The following NAV2 variants were observed in gnomAD, a reference collection of about 807,000 sequenced individuals.
The protein encoded by NAV2 is neuron navigator 2, also known as helicase, APC down-regulated 1.
NAV2 carries 54 observed loss-of-function variants against 223.2 expected under a neutral mutation model. The observed-to-expected ratio is 0.24, with a 90% CI of 0.19 to 0.30. NAV2 has a LOEUF of 0.30. NAV2 is among the 10% of genes least tolerant of loss of function. The probability of loss-of-function intolerance (pLI) is 1.00; values close to 1 mark genes in which losing one functional copy is unlikely to be tolerated. For missense variants in NAV2, 2,806 were observed against 3,147.5 expected, an observed-to-expected ratio of 0.89 and a Z score of 2.60; for synonymous variants, 1,279 against 1,239.3, an observed-to-expected ratio of 1.03 and a Z score of -0.67.
At chr11:19,991,973 G>C (rs1186645337) in intron 11 of NAV2, among the ~76,000 whole-genome samples, 1 of 151,462 alleles carries the variant, frequency 6.6e-6, no homozygotes, top group Non-Finnish European at 1.5e-5. Flanking sequence ...TATACTATTA[G>C]TGCCCCTGAG....
At chr11:19,968,713 G>C (rs1168931172) in intron 10 of NAV2, among the ~76,000 whole-genome samples, 3 of 152,172 alleles carry the variant, frequency 2.0e-5, no homozygotes, top group Non-Finnish European at 4.4e-5. Context: ...CCCATTATTT[G>C]GTCTGTGTAG....
intron 11 of NAV2, among the ~76,000 whole-genome samples, chr11:19,987,297 C>A (rs1486589794): frequency 1.3e-5 from 2 of 152,182 alleles, no homozygotes; most frequent in African/African-American, 4.8e-5. Flanking sequence ...TTCCTTTAAA[C>A]CTGAAAATCG....
intron 1 of NAV2, among the ~76,000 whole-genome samples, chr11:19,613,632 G>T (rs1019788092): frequency 1.3e-5 from 2 of 152,188 alleles, no homozygotes; most frequent in African/African-American, 2.4e-5. Context: ...ACTTGCAGGG[G>T]TTGCTACAAC....
chr11:20,048,639 C>T, intron 14 of NAV2, 89 bp from the exon 15 acceptor site: 5 of 1,108,608 alleles, frequency 4.5e-6, no homozygotes, highest in South Asian at 1.5e-5. Context: ...CAGGAATTCT[C>T]ACCAACTCCT....
intron 1 of NAV2, among the ~76,000 whole-genome samples, chr11:19,359,546 GA>G (rs1395556979): frequency 6.6e-6 from 1 of 152,224 alleles, no homozygotes; most frequent in African/African-American, 2.4e-5. Flanking sequence ...GGCAAATTGT[GA>G]GAGCAAGTAA....
chr11:19,574,789 T>C (rs1411937278), intron 1 of NAV2, among the ~76,000 whole-genome samples: 2 of 152,182 alleles, frequency 1.3e-5, no homozygotes, highest in African/African-American at 4.8e-5. Flanking sequence ...GAAAATAGAA[T>C]GGTGGAACAG....
intron 1 of NAV2, among the ~76,000 whole-genome samples, chr11:19,657,389 G>A (rs2048156237): frequency 6.6e-6 from 1 of 152,162 alleles, no homozygotes; most frequent in African/African-American, 2.4e-5. Context: ...ACCACCCTGT[G>A]GTTCAGAGAG....
At chr11:19,370,335 T>C (rs915915575) in intron 1 of NAV2, among the ~76,000 whole-genome samples, 2 of 152,188 alleles carry the variant, frequency 1.3e-5, no homozygotes, top group Admixed American at 1.3e-4. Context: ...TCTTGGGAGA[T>C]GGGGGAAGAG....
At chr11:19,582,893 GT>G (rs901595541) in intron 1 of NAV2, among the ~76,000 whole-genome samples, 190 of 152,318 alleles carry the variant, frequency 1.2e-3, no homozygotes, top group Admixed American at 2.9e-3. Context: ...CTTTAAAGTA[GT>G]TTTTTCCAAT....
At chr11:19,768,213 T>A (rs934154668) in intron 1 of NAV2, among the ~76,000 whole-genome samples, 2 of 152,168 alleles carry the variant, frequency 1.3e-5, no homozygotes, top group Non-Finnish European at 2.9e-5. Flanking sequence ...GGAGGCAATC[T>A]CTGAAGGGCA....
chr11:20,034,815 G>A (rs1428366340), intron 11 of NAV2, among the ~76,000 whole-genome samples: 1 of 152,292 alleles, frequency 6.6e-6, no homozygotes, highest in Admixed American at 6.5e-5. Flanking sequence ...TCCTGAGAAG[G>A]TAACTCTTCA....
In NAV2 at chr11:19,355,165, T is replaced by G. The variant is rs1290148604; in HGVS notation, c.75+4138T>G. Among the ~76,000 whole-genome samples, 7 of 152,322 alleles carry G rather than the reference T, an allele frequency of 4.6e-5. No homozygotes were observed. In the East Asian group the frequency reaches 7.7e-4, roughly 17 times the overall value. ...CAAGGGAATGACTTTTTGATTGATT[T>G]TTCTCTACTCTTCTTTAGAAGTTTG... On this transcript the variant is annotated intron_variant, in intron 1 of 37. Transcript: ENST00000360655.
intron 1 of NAV2, among the ~76,000 whole-genome samples, chr11:19,767,924 A>C (rs2055357900): frequency 6.6e-6 from 1 of 152,218 alleles, no homozygotes. Context: ...ACCCATGTCT[A>C]TCTCTTCCCT....
At chr11:19,469,974 G>T (rs923300717) in intron 1 of NAV2, among the ~76,000 whole-genome samples, 3 of 152,246 alleles carry the variant, frequency 2.0e-5, no homozygotes, top group African/African-American at 7.2e-5. Context: ...ATGACCTGGA[G>T]ATAGCTTGAC....
intron 1 of NAV2, among the ~76,000 whole-genome samples, chr11:19,497,701 G>A (rs943204371): frequency 3.9e-5 from 6 of 151,998 alleles, no homozygotes; most frequent in South Asian, 2.1e-4. Context: ...AGGTGAGCCC[G>A]CCACCTGAAT....
At chr11:19,943,830 G>C (rs2046606193) in intron 8 of NAV2, among the ~76,000 whole-genome samples, 1 of 152,124 alleles carries the variant, frequency 6.6e-6, no homozygotes, top group Non-Finnish European at 1.5e-5. Flanking sequence ...ATTACTCTGA[G>C]GGAGAAAATA....
intron 1 of NAV2, among the ~76,000 whole-genome samples, chr11:19,755,155 T>C (rs1297434432): frequency 6.6e-6 from 1 of 152,248 alleles, no homozygotes; most frequent in African/African-American, 2.4e-5. Flanking sequence ...AAAATTCTGA[T>C]GGCGAATGTA....
At chr11:19,652,259 G>A (rs2047992070) in intron 1 of NAV2, among the ~76,000 whole-genome samples, 1 of 152,084 alleles carries the variant, frequency 6.6e-6, no homozygotes, top group Admixed American at 6.5e-5. Context: ...AGTGTCCTCG[G>A]GACCATCCTC....
chr11:20,044,722 G>A (rs1187389906), intron 13 of NAV2, among the ~76,000 whole-genome samples: 2 of 152,202 alleles, frequency 1.3e-5, no homozygotes, highest in Non-Finnish European at 2.9e-5. Context: ...AGACATATCA[G>A]TGATTGGCTG....
Sources: allele counts gnomAD v4.1 joint callset (sites outside exome capture counted in the v4.1 genomes callset), GRCh38; gene constraint gnomAD v4.1.1; transcripts MANE v1.5; gene names NCBI Gene and HGNC (gene_info 2026-07-23, HGNC 2026-07-21).